TLK2: variants seen among roughly 807,000 people sequenced by gnomAD.
TLK2 encodes the protein tousled like kinase 2.
Under a neutral mutation model 117.3 loss-of-function variants are expected in TLK2, and 6 were observed. The ratio of observed to expected loss-of-function variants is 0.05; its 90% CI spans 0.03 to 0.10. The LOEUF (loss-of-function observed/expected upper bound fraction) is 0.10, where lower values mean the gene tolerates loss of function less well. TLK2 is among the 10% of genes least tolerant of loss of function. The probability of loss-of-function intolerance (pLI) is 1.00; values close to 1 mark genes in which losing one functional copy is unlikely to be tolerated. For synonymous variants in TLK2, 257 were observed against 316.7 expected, an observed-to-expected ratio of 0.81 and a Z score of 2.00; for missense variants, 299 against 901.2, an observed-to-expected ratio of 0.33 and a Z score of 8.56.
At chr17:62,611,549 A>G (rs1453468973) in intron 21 of TLK2, among the ~76,000 whole-genome samples, 1 of 152,224 alleles carries the variant, frequency 6.6e-6, no homozygotes, top group Non-Finnish European at 1.5e-5. Context: ...AGTCCATTCG[A>G]GAGAGCCAAT....
intron 5 of TLK2, among the ~76,000 whole-genome samples, chr17:62,523,717 G>A (rs1203343353): frequency 6.6e-6 from 1 of 152,064 alleles, no homozygotes; most frequent in East Asian, 1.9e-4. Context: ...AATTTATTAT[G>A]TGTCTTGTCT....
At chr17:62,574,312 G>A (rs1406862764) in intron 12 of TLK2, 1 of 1,536,410 alleles carries the variant, frequency 6.5e-7, no homozygotes, top group East Asian at 2.4e-5. Flanking sequence ...TGTTCGTTTA[G>A]TAAGTTTATG....
chr17:62,604,198 G>T (rs1345268059), intron 19 of TLK2, among the ~76,000 whole-genome samples: 1 of 151,692 alleles, frequency 6.6e-6, no homozygotes, highest in Non-Finnish European at 1.5e-5. Context: ...GTAGAGATGG[G>T]GTTTCACCAT....
intron 11 of TLK2, 95 bp from the exon 12 acceptor site, chr17:62,573,120 G>A (rs191481955): frequency 1.4e-6 from 2 of 1,389,846 alleles, no homozygotes; most frequent in Non-Finnish European, 1.9e-6. Context: ...TATTTTTTCT[G>A]AAATTGGATA....
chr17:62,564,260 G>T (rs771279608), intron 10 of TLK2, among the ~76,000 whole-genome samples: 1 of 152,038 alleles, frequency 6.6e-6, no homozygotes, highest in African/African-American at 2.4e-5. Flanking sequence ...AAAATTGGCC[G>T]GGTGTGGTGG....
intron 12 of TLK2, among the ~76,000 whole-genome samples, chr17:62,573,903 G>A (rs775855437): frequency 2.6e-5 from 4 of 152,248 alleles, no homozygotes; most frequent in South Asian, 2.1e-4. Flanking sequence ...GAAAACACCA[G>A]TATCTTAAAC....
At chr17:62,536,471 C>T in intron 7 of TLK2, 134 bp downstream of exon 7, 3 of 987,154 alleles carry the variant, frequency 3.0e-6, no homozygotes. Context: ...CTCCCCTTAT[C>T]ATCATTCCCA....
At chr17:62,572,116 G>A (rs1271963617) in intron 11 of TLK2, among the ~76,000 whole-genome samples, 1 of 151,268 alleles carries the variant, frequency 6.6e-6, no homozygotes, top group Non-Finnish European at 1.5e-5. Flanking sequence ...CTTGCAGTGA[G>A]CTGAGAGCTG....
intron 2 of TLK2, among the ~76,000 whole-genome samples, chr17:62,482,346 G>A (rs1229274847): frequency 1.6e-5 from 2 of 126,104 alleles, no homozygotes; most frequent in African/African-American, 5.9e-5. Flanking sequence ...TCGTGCTTTA[G>A]TTAGTAGCTT....
At chr17:62,543,616 A>G (rs1379787630) in intron 7 of TLK2, among the ~76,000 whole-genome samples, 1 of 152,176 alleles carries the variant, frequency 6.6e-6, no homozygotes, top group Admixed American at 6.5e-5. Flanking sequence ...TCATTTGCTA[A>G]TTGGGCTTTT....
At chr17:62,571,400 A>G (rs771825300) in intron 11 of TLK2, among the ~76,000 whole-genome samples, 2 of 152,156 alleles carry the variant, frequency 1.3e-5, no homozygotes, top group Non-Finnish European at 2.9e-5. Flanking sequence ...AAGTTTGTAC[A>G]TATTCAGTAT....
intron 6 of TLK2, among the ~76,000 whole-genome samples, chr17:62,528,952 A>T (rs2076560564): frequency 6.6e-6 from 1 of 152,232 alleles, no homozygotes; most frequent in Admixed American, 6.5e-5. Flanking sequence ...AGAAGTGATC[A>T]CTTGGCTGGT....
chr17:62,517,459 A>G (rs1183591532), intron 2 of TLK2, among the ~76,000 whole-genome samples: 2 of 152,004 alleles, frequency 1.3e-5, no homozygotes, highest in Admixed American at 1.3e-4. Flanking sequence ...CAGTGGCGCG[A>G]TCTCAGCTCA....
At chr17:62,569,375 T>C (rs1413503104) in intron 11 of TLK2, among the ~76,000 whole-genome samples, 1 of 150,110 alleles carries the variant, frequency 6.7e-6, no homozygotes, top group East Asian at 2.0e-4. Flanking sequence ...CTCTCAGAGA[T>C]GAAATAGATA....
chr17:62,479,909 C>T (rs1322123701), intron 1 of TLK2, among the ~76,000 whole-genome samples: 1 of 152,204 alleles, frequency 6.6e-6, no homozygotes, highest in Non-Finnish European at 1.5e-5. Context: ...GGGCAAGACG[C>T]GAGGAAGGCC....
intron 16 of TLK2, among the ~76,000 whole-genome samples, chr17:62,588,805 A>G (rs571156648): frequency 6.6e-6 from 1 of 152,314 alleles, no homozygotes; most frequent in South Asian, 2.1e-4. Context: ...GAATTGACAA[A>G]ATGTCATTAA....
chr17:62,575,625 T>C (rs1416090415), intron 12 of TLK2, among the ~76,000 whole-genome samples: 1 of 152,128 alleles, frequency 6.6e-6, no homozygotes, highest in Non-Finnish European at 1.5e-5. Context: ...GAAGAAAAAA[T>C]AATTCTCACT....
intron 2 of TLK2, among the ~76,000 whole-genome samples, chr17:62,482,353 G>T (rs1367691111): frequency 1.6e-5 from 2 of 125,698 alleles, no homozygotes; most frequent in African/African-American, 6.0e-5. Context: ...TTAGTTAGTA[G>T]CTTCTCCAAG....
chr17:62,525,381 A>G (rs2076301451), intron 6 of TLK2, among the ~76,000 whole-genome samples: 1 of 152,148 alleles, frequency 6.6e-6, no homozygotes. Flanking sequence ...TTATGAAAAC[A>G]TAAGTTAAAC....
Sources: gnomAD v4.1 joint callset for allele counts (sites outside exome capture counted in the v4.1 genomes callset) on GRCh38, gnomAD v4.1.1 for gene constraint, MANE v1.5 for transcripts, NCBI Gene and HGNC (gene_info 2026-07-23, HGNC 2026-07-21) for gene names.